Variants in STAT4 observed in about 807,000 individuals in gnomAD.
STAT4 encodes the protein signal transducer and activator of transcription 4.
A neutral mutation model predicts 110.5 loss-of-function variants in STAT4; 42 were observed. The observed-to-expected ratio is 0.38, with a 90% CI of 0.30 to 0.49. The LOEUF is 0.49. Among genes scored for constraint, STAT4 ranks in the 20% least tolerant of loss-of-function variants. The pLI, the probability that STAT4 is intolerant of heterozygous loss-of-function variation, is 0.95. For missense variants in STAT4, 632 were observed against 887.9 expected (o/e 0.71, Z 3.66); for synonymous variants, 284 against 302.2 (o/e 0.94, Z 0.63).
chr2:191,121,790 A>AG (rs1255180279), intron 3 of STAT4, among the ~76,000 whole-genome samples: 1 of 42,326 alleles, frequency 2.4e-5, no homozygotes, highest in Non-Finnish European at 4.6e-5. Flanking sequence ...GGGAAGGGGG[A>AG]GGGGGGAGGG....
At chr2:191,106,740 T>A (rs1698294926) in intron 3 of STAT4, among the ~76,000 whole-genome samples, 1 of 151,944 alleles carries the variant, frequency 6.6e-6, no homozygotes. Flanking sequence ...GGGAAAAATG[T>A]GCATGAGTCA....
At chr2:191,095,868 C>G (rs559388240) in intron 3 of STAT4, among the ~76,000 whole-genome samples, 2 of 152,118 alleles carry the variant, frequency 1.3e-5, no homozygotes, top group South Asian at 2.1e-4. Flanking sequence ...TGATAGATTG[C>G]TAGCACGACA....
intron 3 of STAT4, among the ~76,000 whole-genome samples, chr2:191,122,675 A>G (rs1048028375): frequency 6.6e-6 from 1 of 152,260 alleles, no homozygotes; most frequent in Non-Finnish European, 1.5e-5. Flanking sequence ...AGCTGTAATT[A>G]AAAACAAAAC....
In STAT4 at chr2:191,143,477, G is replaced by A. The variant is rs35672585; in HGVS notation, c.273+3136C>T. Among the ~76,000 whole-genome samples the A allele has an allele frequency of 0.14, 20,628 of 152,152 alleles. 1,598 individuals are homozygous for A. The highest frequency in any genetic ancestry group is 0.29 in the Middle Eastern group (85 of 294). On this transcript the variant is annotated intron_variant, in intron 3 of 23. Transcript: ENST00000392320. This position sits in a 1 kb window ranked among gnomAD's most constrained non-coding sequence, Gnocchi z 5.6. The stretch of plus-strand genomic sequence containing the variant: ...AATAGGCCAAGGGCTGCTGAACGAT[G>A]GTGTTTATTGCTTCCACCTTGGAGC...
rs570641519 is a variant in STAT4, at chr2:191,050,061, T to C, written c.1251+4429A>G. Among the ~76,000 whole-genome samples, 4 of 152,272 alleles carry C rather than the reference T, an allele frequency of 2.6e-5. No individual in the cohort carries two copies. Among genetic ancestry groups the C allele is most frequent in the Non-Finnish European group, 4.4e-5 (3 of 68,020 alleles). On this transcript the variant is annotated intron_variant, in intron 14 of 23. Coordinates refer to ENST00000392320, the MANE Select transcript of STAT4 (RefSeq NM_003151.4). This position sits in a 1 kb window ranked among gnomAD's most constrained non-coding sequence, Gnocchi z 4.3. ...AAGTCACCCAGGCTTTACTAATAGC[T>C]TCATTGTGCTTCATGACTTTCCACC...
At chr2:191,084,465 A>G (rs1201200595) in intron 3 of STAT4, among the ~76,000 whole-genome samples, 1 of 152,198 alleles carries the variant, frequency 6.6e-6, no homozygotes, top group African/African-American at 2.4e-5. Flanking sequence ...TGACATTACA[A>G]TTAATACATG....
At chr2:191,148,001 CA>C in intron 2 of STAT4, 74 bp downstream of exon 2, 2 of 1,587,630 alleles carry the variant, frequency 1.3e-6, no homozygotes, top group Non-Finnish European at 1.7e-6. Context: ...AAAAGTGGAC[CA>C]TAAAATAAAT....
rs1408836447 is a variant in STAT4 at position 191,138,724 on chromosome 2, A to G, written c.273+7889T>C. ...TCCCACTGAAACTATTGCAAAAGAT[A>G]GTGAAAGAGGGAATTCTCTCTAAAT... On this transcript the variant is annotated intron_variant, in intron 3 of 23. Transcript: ENST00000392320. This position sits in a 1 kb window ranked among gnomAD's most constrained non-coding sequence, Gnocchi z 4.3. Among the ~76,000 whole-genome samples, 1 of 152,208 alleles carries G rather than the reference A, an allele frequency of 6.6e-6. No individual in the cohort carries two copies. Among genetic ancestry groups the G allele is most frequent in the African/African-American group, 2.4e-5 (1 of 41,454 alleles).
chr2:191,047,671 T>C (rs1418970501), intron 14 of STAT4, among the ~76,000 whole-genome samples: 1 of 152,172 alleles, frequency 6.6e-6, no homozygotes, highest in East Asian at 1.9e-4. Context: ...GTTTAATTTC[T>C]TTTTTTCTTT....
rs910229693 is a variant in STAT4, at chr2:191,142,812, C to T, written c.273+3801G>A. ...AAAGATCGGTAGTGTTCAGGGGCTC[C>T]GTGGGAAGCGAGAGAAGGATGAATA... On this transcript the variant is annotated intron_variant, in intron 3 of 23. Transcript: ENST00000392320. The surrounding 1 kb of genome is among the most constrained non-coding windows in gnomAD (Gnocchi z 4.1). Among the ~76,000 whole-genome samples the T allele has an allele frequency of 6.6e-6, 1 of 151,818 alleles. No individual in the cohort carries two copies. Among genetic ancestry groups the T allele is most frequent in the Non-Finnish European group, 1.5e-5 (1 of 67,998 alleles).
chr2:191,076,396 C>T lies in STAT4; in HGVS notation c.274-71G>A, dbSNP rs1697320890. ...ATATATGTATCATAAGAAAATATCACCTCTTGAAAAACAACAACAATCTCC... is the reference window on the plus strand; with the variant it reads ...ATATATGTATCATAAGAAAATATCATCTCTTGAAAAACAACAACAATCTCC... On this transcript the variant is annotated intron_variant, in intron 3 of 23. Transcript: ENST00000392320. 2.2e-5 allele frequency: 25 copies of T among 1,134,650 alleles called. No individual in the cohort carries two copies. The South Asian group carries it at 3.1e-4, about 14-fold the overall frequency. The allele number at this position is 1,134,650 out of a possible 1,614,324, so 70.3% of individuals were successfully genotyped here.
chr2:191,145,655 T>C lies in STAT4; in HGVS notation c.273+958A>G, dbSNP rs1018722024. Among the ~76,000 whole-genome samples the C allele has an allele frequency of 7.9e-5, 12 of 152,226 alleles. No individual in the cohort carries two copies. The South Asian group carries it at 8.3e-4, about 11-fold the overall frequency. ...CCAAACAACAATAGGAAAAACAATA[T>C]ATTTGTCCTTCTCACAAATGTAATG... On this transcript the variant is annotated intron_variant, in intron 3 of 23. Transcript: ENST00000392320.
At position 191,095,253 on chromosome 2, in the gene STAT4, A is replaced by G. The variant is rs143651875; in HGVS notation, c.274-18928T>C. Among the ~76,000 whole-genome samples, 1,221 of 152,280 alleles carry G rather than the reference A, an allele frequency of 8.0e-3. 14 individuals carry two copies. The highest frequency in any genetic ancestry group is 0.041 in the Middle Eastern group (12 of 294). The stretch of plus-strand genomic sequence containing the variant: ...TCCAGGAACTGAACTCAGCTCTGCA[A>G]CAAGCAGACCTAACAGACATCTACA... On this transcript the variant is annotated intron_variant, in intron 3 of 23. Coordinates refer to ENST00000392320, the MANE Select transcript of STAT4 (RefSeq NM_003151.4).
At chr2:191,064,008 T>C (rs1352706191) in intron 8 of STAT4, among the ~76,000 whole-genome samples, 1 of 152,246 alleles carries the variant, frequency 6.6e-6, no homozygotes, top group Non-Finnish European at 1.5e-5. Flanking sequence ...TCAAATAGTT[T>C]TATTTTGCAT....
In STAT4 at chr2:191,058,459, G is replaced by A. The variant is rs910361641; in HGVS notation, c.1095-240C>T. 4.6e-5 allele frequency among the ~76,000 whole-genome samples: 7 copies of A among 151,908 alleles called. No homozygotes were observed. The highest frequency in any genetic ancestry group is 1.9e-4 in the East Asian group (1 of 5,186). On this transcript the variant is annotated intron_variant, in intron 11 of 23. Coordinates refer to ENST00000392320, the MANE Select transcript of STAT4 (RefSeq NM_003151.4). This position sits in a 1 kb window ranked among gnomAD's most constrained non-coding sequence, Gnocchi z 4.3. ...ATTACAGGCATGAGCCGCCGCACCC[G>A]GTCTCTATGATACTTTAAAGGATAG...
intron 13 of STAT4, among the ~76,000 whole-genome samples, chr2:191,057,581 C>CTTTTTT (rs56816363): frequency 9.9e-5 from 12 of 121,322 alleles, no homozygotes; most frequent in African/African-American, 3.3e-4. Context: ...AATTTCTTTT[C>CTTTTTT]TTTTTTTTTT....
intron 3 of STAT4, among the ~76,000 whole-genome samples, chr2:191,093,584 G>C (rs1227593789): frequency 6.6e-6 from 1 of 152,242 alleles, no homozygotes; most frequent in East Asian, 1.9e-4. Context: ...CCATCTATAG[G>C]TCACCAGCAT....
At chr2:191,080,127 A>C (rs939303116) in intron 3 of STAT4, among the ~76,000 whole-genome samples, 2 of 152,148 alleles carry the variant, frequency 1.3e-5, no homozygotes, top group African/African-American at 4.8e-5. Context: ...TTTTATTACC[A>C]TGCACTGACC....
At chr2:191,040,595 T>C (rs988380687) in intron 15 of STAT4, among the ~76,000 whole-genome samples, 2 of 152,300 alleles carry the variant, frequency 1.3e-5, no homozygotes, top group Non-Finnish European at 2.9e-5. Context: ...TAGGTCTCAC[T>C]CTGTCACCCA....
Sources: allele counts gnomAD v4.1 joint callset (sites outside exome capture counted in the v4.1 genomes callset), GRCh38; gene constraint gnomAD v4.1.1; non-coding constraint Gnocchi (gnomAD v3.1); transcripts MANE v1.5; gene names NCBI Gene and HGNC (gene_info 2026-07-23, HGNC 2026-07-21).